The following NTAN1 variants were observed in gnomAD, a reference collection of about 807,000 sequenced individuals.
The protein encoded by NTAN1 is N-terminal asparagine amidase.
NTAN1 carries 32 observed loss-of-function variants against 41.9 expected under a neutral mutation model. The observed-to-expected ratio is 0.76, with a 90% CI of 0.58 to 1.03. The LOEUF (loss-of-function observed/expected upper bound fraction) is 1.03, where lower values mean the gene tolerates loss of function less well. Ranked by LOEUF, NTAN1 falls within the 50% of genes least tolerant of loss-of-function variation. The pLI is 0.00. For synonymous variants in NTAN1, 140 were observed against 139.5 expected, an observed-to-expected ratio of 1.00 and a Z score of -0.03; for missense variants, 377 against 377.5, an observed-to-expected ratio of 1.00 and a Z score of 0.01.
At chr16:15,040,894 G>A (rs2043786483) in intron 7 of NTAN1, among the ~76,000 whole-genome samples, 174 bp downstream of exon 7, 1 of 152,198 alleles carries the variant, frequency 6.6e-6, no homozygotes, top group African/African-American at 2.4e-5. Flanking sequence ...TATAGGTAAA[G>A]CTTAGAGAAG....
At chr16:15,047,065 G>C (rs2044101752) in intron 4 of NTAN1, among the ~76,000 whole-genome samples, 1 of 152,134 alleles carries the variant, frequency 6.6e-6, no homozygotes, top group African/African-American at 2.4e-5. Flanking sequence ...TGTGTCCCTA[G>C]AAACTACAAG....
chr16:15,041,277 TC>T (rs1228834306), intron 6 of NTAN1, among the ~76,000 whole-genome samples, 156 bp from the exon 7 acceptor site: 1 of 152,124 alleles, frequency 6.6e-6, no homozygotes, highest in East Asian at 1.9e-4. Context: ...CCCTACCCTG[TC>T]CCAAGGCAGG....
chr16:15,044,540 C>T (rs1251234023), intron 4 of NTAN1, 133 bp from the exon 5 acceptor site: 2 of 677,226 alleles, frequency 3.0e-6, no homozygotes, highest in Non-Finnish European at 5.2e-6. Context: ...CTTCGTGCCA[C>T]CGCAAAAGAA....
At chr16:15,054,838 C>T (rs775327437) in intron 1 of NTAN1, among the ~76,000 whole-genome samples, 10 of 152,190 alleles carry the variant, frequency 6.6e-5, no homozygotes, top group Non-Finnish European at 1.5e-4. Context: ...CAATAGAGAA[C>T]AAACAAGCAA....
At chr16:15,038,723 A>C in intron 8 of NTAN1, 36 bp from the exon 9 acceptor site, 1 of 1,196,802 alleles carries the variant, frequency 8.4e-7, no homozygotes, top group Non-Finnish European at 1.2e-6. Context: ...AATTTCAGGA[A>C]TGTCACCCAC....
chr16:15,044,391 C>T lies in NTAN1; in HGVS notation c.376G>A (p.Val126Ile). ...TGCCTGTCGTCACTGAAGCCTCCAA[C>T]AAGGTGTACTTCCAGCCTGGCAAAG... is the stretch of plus-strand genomic sequence containing the variant. Reference protein sequence around the residue: ...AQCGRLEVHLVGGFSDDRQLS... With the variant: ...AQCGRLEVHLIGGFSDDRQLS... Residue 126 changes from valine to isoleucine, a missense_variant, in exon 5 of 10, where the codon GTT becomes ATT. Coordinates refer to ENST00000287706, the MANE Select transcript of NTAN1 (RefSeq NM_173474.4). 2.5e-6 allele frequency: 4 copies of T among 1,613,130 alleles called. No individual in the cohort carries two copies. Among genetic ancestry groups the T allele is most frequent in the African/African-American group, 1.3e-5 (1 of 75,016 alleles).
chr16:15,055,999 A>T lies in NTAN1; in HGVS notation c.-28T>A. On this transcript the variant is annotated 5_prime_UTR_variant, in exon 1 of 10. Transcript: ENST00000287706. ...CGGAGGCGGCCGCCCAGGCAGGCCC[A>T]GGGAGGCGGCGGCCCCCCGCTTTGC... 1 of 1,181,212 alleles carries T rather than the reference A, an allele frequency of 8.5e-7. No individual in the cohort carries two copies. The highest frequency in any genetic ancestry group is 1.1e-6 in the Non-Finnish European group (1 of 950,244). The allele number at this position is 1,181,212 out of a possible 1,614,324, so 73.2% of individuals were successfully genotyped here.
rs768160179 is a variant in NTAN1, at chr16:15,038,642, G to C, written c.685C>G (p.Pro229Ala). The change falls in exon 9 of 10, where the codon CCG (proline) becomes GCG (alanine). Residue 229 changes from proline (P) to alanine (A), a missense_variant. Transcript: ENST00000287706. ...TGTGGAAATGGTGTCCAGGAGTACG[G>C]TCCTATACGAAGTTGTTCTGTCTCT... ...DAETEQLRIG[P>A]YSWTPFPHVD... is the part of the protein sequence containing the mutation. 1 of 1,608,514 alleles carries C rather than the reference G, an allele frequency of 6.2e-7. No individual in the cohort carries two copies. Among genetic ancestry groups the C allele is most frequent in the South Asian group, 1.1e-5 (1 of 90,768 alleles).
At position 15,041,511 on chromosome 16, in the gene NTAN1, G is replaced by A. The variant is rs539045605; in HGVS notation, c.487+112C>T. 35 of 797,644 alleles carry A rather than the reference G, an allele frequency of 4.4e-5. No homozygotes were observed. In the East Asian group the frequency reaches 8.3e-4, roughly 19 times the overall value. 49.4% of individuals were successfully genotyped at this position (797,644 alleles called of 1,614,324 possible). On this transcript the variant is annotated intron_variant, in intron 6 of 9. Coordinates refer to ENST00000287706, the MANE Select transcript of NTAN1 (RefSeq NM_173474.4). ...CACCACAGGAAGAGCCGGAACAGATGGTGGCCAAGCAGTGACAGCAGTGTG... is the reference window on the plus strand; with the variant it reads ...CACCACAGGAAGAGCCGGAACAGATAGTGGCCAAGCAGTGACAGCAGTGTG...
In NTAN1 at chr16:15,047,424, G is replaced by C. The variant is rs374496635; in HGVS notation, c.359+18C>G. 6.8e-6 allele frequency: 10 copies of C among 1,472,438 alleles called. No homozygotes were observed. Among genetic ancestry groups the C allele is most frequent in the Non-Finnish European group, 9.5e-6 (10 of 1,050,648 alleles). The allele number at this position is 1,472,438 out of a possible 1,614,324, so 91.2% of individuals were successfully genotyped here. A position where few individuals can be genotyped will look rare whatever the true frequency, so the allele number is the denominator to read the frequency against. On this transcript the variant is annotated intron_variant, in intron 4 of 9. Coordinates refer to ENST00000287706, the MANE Select transcript of NTAN1 (RefSeq NM_173474.4). ...TTCCAAGATCTCAATTCACCTATGA[G>C]AGCAGCGTAGATCTCACCTTCCACA...
chr16:15,050,059 TA>T (rs2044236935), intron 1 of NTAN1, among the ~76,000 whole-genome samples: 1 of 152,232 alleles, frequency 6.6e-6, no homozygotes, highest in African/African-American at 2.4e-5. Context: ...CTCAATGTTC[TA>T]TCACATAGTT....
At chr16:15,047,393 C>T (rs751711656) in intron 4 of NTAN1, 49 bp downstream of exon 4, 16 of 1,220,582 alleles carry the variant, frequency 1.3e-5, no homozygotes, top group Admixed American at 3.4e-5. Context: ...GTCCTGTATG[C>T]GACGGTTCCA....
intron 5 of NTAN1, among the ~76,000 whole-genome samples, chr16:15,041,971 A>G (rs1158895504): frequency 6.6e-6 from 1 of 152,200 alleles, no homozygotes; most frequent in Non-Finnish European, 1.5e-5. Flanking sequence ...CCATGGATTT[A>G]TAAGATTTTT....
chr16:15,041,755 A>C, intron 5 of NTAN1, 79 bp from the exon 6 acceptor site: 2 of 1,038,390 alleles, frequency 1.9e-6, no homozygotes, highest in Non-Finnish European at 3.0e-6. Flanking sequence ...AGCCAACGAC[A>C]GGGAGGGACG....
At chr16:15,040,548 C>A in intron 7 of NTAN1, 1 of 173,268 alleles carries the variant, frequency 5.8e-6, no homozygotes, top group Non-Finnish European at 1.2e-5. Context: ...GAAATAGAGC[C>A]GATTCCATGA....
intron 5 of NTAN1, among the ~76,000 whole-genome samples, chr16:15,043,499 G>A (rs141236414): frequency 1.1e-3 from 171 of 152,316 alleles, no homozygotes; most frequent in African/African-American, 4.0e-3. Flanking sequence ...CCATGATGGC[G>A]CCACTGCACT....
intron 4 of NTAN1, chr16:15,045,509 T>C (rs897550016): frequency 6.6e-6 from 1 of 150,874 alleles, no homozygotes; most frequent in Non-Finnish European, 1.5e-5. Flanking sequence ...TGCTGGCATA[T>C]ACCTCTATTC....
Position 15,048,056 on chromosome 16 carries a change from C to A in NTAN1, c.125G>T (p.Gly42Val). ...CTGAACATACAGAAGGCCCTGGGGT[C>A]CCACTTGTTGAACAGACTGACCTCT... ...LLRGQSVQQVGPQGLLYVQQR... is the reference protein window; with the variant it reads ...LLRGQSVQQVVPQGLLYVQQR... The change falls in exon 2 of 10, where the codon GGA becomes GTA. Residue 42 changes from glycine (G) to valine (V), a missense_variant. By Grantham distance (109) the Gly-to-Val change is moderately radical (BLOSUM62 -3). Transcript: ENST00000287706. The A allele has an allele frequency of 6.2e-7, 1 of 1,613,320 alleles. No homozygotes were observed. The highest frequency in any genetic ancestry group is 8.5e-7 in the Non-Finnish European group (1 of 1,179,332).
At chr16:15,048,835 G>A (rs1002475341) in intron 1 of NTAN1, among the ~76,000 whole-genome samples, 103 of 150,368 alleles carry the variant, frequency 6.8e-4, no homozygotes, top group Non-Finnish European at 7.1e-4. Flanking sequence ...TGCTCCCCAG[G>A]CTGGTCTCAA....
Sources: gnomAD v4.1 joint callset for allele counts (sites outside exome capture counted in the v4.1 genomes callset) on GRCh38, gnomAD v4.1.1 for gene constraint, MANE v1.5 for transcripts, NCBI Gene and HGNC (gene_info 2026-07-23, HGNC 2026-07-21) for gene names.